The following CDH13 variants were observed in gnomAD, a reference collection of about 807,000 sequenced individuals.
The protein encoded by CDH13 is cadherin 13.
CDH13 carries 24 observed loss-of-function variants against 63.8 expected under a neutral mutation model. The ratio of observed to expected loss-of-function variants is 0.38; its 90% CI spans 0.27 to 0.53. The LOEUF is 0.53. Ranked by LOEUF, CDH13 falls within the 20% of genes least tolerant of loss-of-function variation. CDH13 has a pLI of 0.85. For synonymous variants in CDH13, 503 were observed against 355.3 expected, an observed-to-expected ratio of 1.42 and a Z score of -4.67; for missense variants, 1,049 against 903.1, an observed-to-expected ratio of 1.16 and a Z score of -2.07.
At chr16:83,269,649 T>C (rs191312859) in intron 5 of CDH13, among the ~76,000 whole-genome samples, 1 of 152,302 alleles carries the variant, frequency 6.6e-6, no homozygotes, top group Admixed American at 6.5e-5. Context: ...AGTTGTGGAT[T>C]AGGTCCTATC....
At position 82,802,227 on chromosome 16, in the gene CDH13, C is replaced by G. The variant is rs181352830; in HGVS notation, c.46-56135C>G. Among the ~76,000 whole-genome samples, 1,055 of 152,250 alleles carry G rather than the reference C, an allele frequency of 6.9e-3. 6 individuals carry two copies. The highest frequency in any genetic ancestry group is 0.034 in the Middle Eastern group (10 of 294). On this transcript the variant is annotated intron_variant, in intron 1 of 13. Coordinates refer to ENST00000567109, the MANE Select transcript of CDH13 (RefSeq NM_001257.5). ...CCGCAGAAAGTCCTCAGCAGAATCC[C>G]AGGGTCTTCTAAGAAGAAGACGTGG...
At chr16:83,782,750 A>G (rs1915615210) in intron 12 of CDH13, among the ~76,000 whole-genome samples, 1 of 152,032 alleles carries the variant, frequency 6.6e-6, no homozygotes, top group Admixed American at 6.6e-5. Flanking sequence ...AAAAAAAAAA[A>G]AAAACTAAAG....
Position 83,800,501 on chromosome 16 carries a change from A to C in CDH13, c.*5471A>C, listed in dbSNP as rs1904314912. ...TGTTAAAATATTCAGTCTATGGCAG[A>C]TGTCGCTCCTTTGGGCCCTCACTGC... On this transcript the variant is annotated 3_prime_UTR_variant, in exon 14 of 14. Coordinates refer to ENST00000567109, the MANE Select transcript of CDH13 (RefSeq NM_001257.5). The C allele has an allele frequency of 6.6e-6, 1 of 152,254 alleles. No individual in the cohort carries two copies. The highest frequency in any genetic ancestry group is 6.5e-5 in the Admixed American group (1 of 15,286). 9.4% of individuals were successfully genotyped at this position (152,254 alleles called of 1,614,324 possible).
At chr16:83,111,717 A>G (rs994024460) in intron 3 of CDH13, among the ~76,000 whole-genome samples, 1 of 152,242 alleles carries the variant, frequency 6.6e-6, no homozygotes, top group Admixed American at 6.5e-5. Flanking sequence ...TGTAGCCATC[A>G]TAAAAACCTG....
chr16:83,016,640 A>G (rs1483452148), intron 2 of CDH13, among the ~76,000 whole-genome samples: 1 of 152,142 alleles, frequency 6.6e-6, no homozygotes, highest in African/African-American at 2.4e-5. Flanking sequence ...TCCCTTTAGG[A>G]AGGAGATCCA....
At chr16:82,885,269 T>C (rs1384186873) in intron 2 of CDH13, among the ~76,000 whole-genome samples, 1 of 152,148 alleles carries the variant, frequency 6.6e-6, no homozygotes, top group African/African-American at 2.4e-5. Context: ...TTTTAGAAAA[T>C]TTGGTCATTC....
At chr16:83,015,907 G>C (rs562486358) in intron 2 of CDH13, among the ~76,000 whole-genome samples, 1 of 151,530 alleles carries the variant, frequency 6.6e-6, no homozygotes, top group African/African-American at 2.4e-5. Context: ...CATTTGGCTT[G>C]TGCACTTCCC....
intron 6 of CDH13, among the ~76,000 whole-genome samples, chr16:83,447,719 A>AT (rs1011090435): frequency 6.0e-5 from 9 of 150,058 alleles, no homozygotes; most frequent in Non-Finnish European, 1.3e-4. Flanking sequence ...AGAGATAATC[A>AT]TTTTTTTAAA....
intron 7 of CDH13, 94 bp from the exon 8 acceptor site, chr16:83,602,360 G>C (rs1364648031): frequency 8.2e-7 from 1 of 1,221,468 alleles, no homozygotes; most frequent in African/African-American, 1.5e-5. Flanking sequence ...ATGGAGGAGG[G>C]GGAGAGACAG....
chr16:83,076,476 T>C (rs555550896), intron 3 of CDH13, among the ~76,000 whole-genome samples: 1 of 152,270 alleles, frequency 6.6e-6, no homozygotes, highest in African/African-American at 2.4e-5. Context: ...TTTCATAAAA[T>C]CATTTCTGAA....
At chr16:82,916,732 T>C (rs1178510578) in intron 2 of CDH13, among the ~76,000 whole-genome samples, 1 of 152,236 alleles carries the variant, frequency 6.6e-6, no homozygotes, top group Non-Finnish European at 1.5e-5. Flanking sequence ...AATATTTTTA[T>C]GTTTGTTAAA....
rs191828599 is a variant in CDH13, at chr16:83,261,318, C to G, written c.636+43821C>G. On this transcript the variant is annotated intron_variant, in intron 5 of 13. Coordinates refer to ENST00000567109, the MANE Select transcript of CDH13 (RefSeq NM_001257.5). ...ATTACCGATACGTTAACTTCATCCC[C>G]TCGATAAGCCAGCTGTTCTCAATTG... Among the ~76,000 whole-genome samples the G allele has an allele frequency of 1.4e-4, 21 of 152,264 alleles. No individual in the cohort carries two copies. The East Asian group carries it at 3.3e-3, about 24-fold the overall frequency.
chr16:83,032,049 A>G lies in CDH13; in HGVS notation c.197A>G (p.Tyr66Cys). ...TGTAAGGGAAACGACAAGCTACGCT[A>G]TGAGGTCTCGAGCCCATACTTCAAG... is the stretch of plus-strand genomic sequence containing the variant. ...SDCKGNDKLR[Y>C]EVSSPYFKVN... Residue 66 changes from tyrosine (Y) to cysteine (C), a missense_variant, in exon 3 of 14, where the codon TAT (tyrosine) becomes TGT (cysteine). Transcript: ENST00000567109. 1.2e-6 allele frequency: 2 copies of G among 1,607,734 alleles called. No individual in the cohort carries two copies. The highest frequency in any genetic ancestry group is 1.7e-6 in the Non-Finnish European group (2 of 1,177,274).
intron 6 of CDH13, among the ~76,000 whole-genome samples, chr16:83,405,103 C>G (rs999285529): frequency 6.6e-6 from 1 of 151,128 alleles, no homozygotes; most frequent in Non-Finnish European, 1.5e-5. Flanking sequence ...AATCTCCTGT[C>G]ATTTTCTGAA....
chr16:83,531,422 C>T (rs1411852319), intron 7 of CDH13, among the ~76,000 whole-genome samples: 1 of 152,168 alleles, frequency 6.6e-6, no homozygotes, highest in Non-Finnish European at 1.5e-5. Flanking sequence ...CCTTACACAG[C>T]AACAGAGACT....
Position 82,741,259 on chromosome 16 carries a change from C to A in CDH13, c.45+114122C>A, listed in dbSNP as rs190289219. On this transcript the variant is annotated intron_variant, in intron 1 of 13. Coordinates refer to ENST00000567109, the MANE Select transcript of CDH13 (RefSeq NM_001257.5). Reference sequence around the variant, plus strand: ...TGTGTGGTTTGTCTCTTCCATCATTCTGTGTGAATTTACTTGTCTGTCTTT... The same window carrying A: ...TGTGTGGTTTGTCTCTTCCATCATTATGTGTGAATTTACTTGTCTGTCTTT... 2.1e-3 allele frequency among the ~76,000 whole-genome samples: 320 copies of A among 152,328 alleles called. 1 individual carries two copies. The highest frequency in any genetic ancestry group is 3.4e-3 in the Non-Finnish European group (231 of 68,036).
chr16:83,580,816 T>G (rs923472394), intron 7 of CDH13, among the ~76,000 whole-genome samples: 3 of 152,064 alleles, frequency 2.0e-5, no homozygotes, highest in African/African-American at 7.2e-5. Context: ...AAGTCCATTA[T>G]TTTACTTCTT....
chr16:82,701,857 C>G (rs962495708), intron 1 of CDH13, among the ~76,000 whole-genome samples: 1 of 152,154 alleles, frequency 6.6e-6, no homozygotes, highest in Non-Finnish European at 1.5e-5. Flanking sequence ...ACTTAGTCAC[C>G]TCCCCTCTTC....
chr16:83,656,981 A>G (rs1220617390), intron 8 of CDH13, among the ~76,000 whole-genome samples: 1 of 152,206 alleles, frequency 6.6e-6, no homozygotes, highest in Non-Finnish European at 1.5e-5. Context: ...GGACAGGCTG[A>G]TGCCAACATT....
Sources: gnomAD v4.1 joint callset for allele counts (sites outside exome capture counted in the v4.1 genomes callset) on GRCh38, gnomAD v4.1.1 for gene constraint, MANE v1.5 for transcripts, NCBI Gene and HGNC (gene_info 2026-07-23, HGNC 2026-07-21) for gene names.